Variants in DLG2 observed in about 807,000 individuals in gnomAD.
DLG2 encodes the protein discs large MAGUK scaffold protein 2.
In DLG2, 45 loss-of-function variants were observed where a neutral mutation model predicts 132.5. The observed-to-expected ratio is 0.34, with a 90% CI of 0.27 to 0.44. The LOEUF is 0.44. DLG2 is among the 20% of genes least tolerant of loss of function. DLG2 has a pLI of 1.00. For missense variants in DLG2, 1,045 were observed against 1,196.9 expected (o/e 0.87, Z 1.87); for synonymous variants, 424 against 419.6 (o/e 1.01, Z -0.13).
At chr11:85,457,093 A>C (rs2092447062) in intron 3 of DLG2, among the ~76,000 whole-genome samples, 1 of 151,970 alleles carries the variant, frequency 6.6e-6, no homozygotes, top group South Asian at 2.1e-4. Context: ...TTATGAATCC[A>C]GGCACTCCTG....
chr11:84,607,913 C>T (rs1490476276), intron 6 of DLG2, among the ~76,000 whole-genome samples: 1 of 152,098 alleles, frequency 6.6e-6, no homozygotes, highest in Non-Finnish European at 1.5e-5. Context: ...AAGAATAGTT[C>T]TTTACTGCAG....
chr11:85,094,897 A>G (rs1044648365), intron 6 of DLG2, among the ~76,000 whole-genome samples: 3 of 152,178 alleles, frequency 2.0e-5, no homozygotes, highest in Non-Finnish European at 2.9e-5. Flanking sequence ...ACTAAGTTTA[A>G]TCATTTCTAG....
intron 16 of DLG2, among the ~76,000 whole-genome samples, chr11:83,851,235 A>G (rs1345314927): frequency 1.3e-5 from 2 of 152,036 alleles, no homozygotes; most frequent in Non-Finnish European, 2.9e-5. Flanking sequence ...AGAATGTGAC[A>G]TGTTAGGAAA....
At chr11:83,728,814 T>TA (rs1176600615) in intron 18 of DLG2, among the ~76,000 whole-genome samples, 2 of 152,236 alleles carry the variant, frequency 1.3e-5, no homozygotes, top group Admixed American at 1.3e-4. Flanking sequence ...ATCCATTTGG[T>TA]CCCTGCACTT....
chr11:85,062,048 G>A (rs1343490619), intron 6 of DLG2, among the ~76,000 whole-genome samples: 1 of 151,582 alleles, frequency 6.6e-6, no homozygotes, highest in East Asian at 1.9e-4. Context: ...TAAAAAGAGG[G>A]GTCACTTTGG....
chr11:84,128,845 T>C (rs1274167083), intron 9 of DLG2, among the ~76,000 whole-genome samples: 2 of 152,170 alleles, frequency 1.3e-5, no homozygotes, highest in African/African-American at 4.8e-5. Context: ...AAAACGTGTA[T>C]GGTTTTAAAA....
intron 8 of DLG2, among the ~76,000 whole-genome samples, chr11:84,220,910 A>G (rs981560549): frequency 6.9e-6 from 1 of 145,750 alleles, no homozygotes; most frequent in African/African-American, 2.6e-5. Flanking sequence ...TCTCCTAAGT[A>G]GCTGGGACTA....
chr11:85,621,207 C>G (rs1591379145), intron 2 of DLG2, among the ~76,000 whole-genome samples: 1 of 143,700 alleles, frequency 7.0e-6, no homozygotes, highest in South Asian at 2.3e-4. Context: ...CTGTTGAGAA[C>G]TACTACTCAG....
chr11:84,501,569 A>T (rs1397851650), intron 7 of DLG2, among the ~76,000 whole-genome samples: 1 of 152,206 alleles, frequency 6.6e-6, no homozygotes, highest in Non-Finnish European at 1.5e-5. Context: ...TCCGTCTAAA[A>T]AAAAGAAGAA....
chr11:85,124,090 G>A (rs563817496), intron 5 of DLG2, among the ~76,000 whole-genome samples: 8 of 152,168 alleles, frequency 5.3e-5, no homozygotes, highest in Admixed American at 5.2e-4. Flanking sequence ...AAAGAGGAGA[G>A]GGAACAGAAA....
intron 4 of DLG2, among the ~76,000 whole-genome samples, chr11:85,222,955 A>T (rs2074748100): frequency 1.3e-5 from 2 of 152,144 alleles, no homozygotes; most frequent in Admixed American, 1.3e-4. Flanking sequence ...AATGCCTGGC[A>T]TTAGTGGGCA....
At chr11:83,601,510 C>CTTTTTTTTTTTTTTTT (rs71066054) in intron 19 of DLG2, among the ~76,000 whole-genome samples, 1 of 94,540 alleles carries the variant, frequency 1.1e-5, no homozygotes, top group Admixed American at 1.7e-4. Flanking sequence ...ATGTGATGTT[C>CTTTTTTTTTTTTTTTT]TTTTTTTTTT....
intron 18 of DLG2, among the ~76,000 whole-genome samples, chr11:83,646,376 A>G (rs2068180598): frequency 6.6e-6 from 1 of 151,938 alleles, no homozygotes; most frequent in African/African-American, 2.4e-5. Flanking sequence ...AGAGAGAGAG[A>G]GGAAGGAAGG....
At chr11:83,754,972 C>T (rs1392197855) in intron 18 of DLG2, among the ~76,000 whole-genome samples, 2 of 151,102 alleles carry the variant, frequency 1.3e-5, no homozygotes, top group East Asian at 1.9e-4. Flanking sequence ...TAGGTAAGTA[C>T]TAGAATATGT....
chr11:84,947,856 A>T (rs536816335), intron 6 of DLG2, among the ~76,000 whole-genome samples: 2 of 152,350 alleles, frequency 1.3e-5, no homozygotes, highest in East Asian at 3.9e-4. Context: ...TGAACAATAA[A>T]TTACATAGGT....
chr11:85,443,390 A>G (rs2091874245), intron 3 of DLG2, among the ~76,000 whole-genome samples: 1 of 152,232 alleles, frequency 6.6e-6, no homozygotes, highest in African/African-American at 2.4e-5. Flanking sequence ...CTAGCTGTGT[A>G]ATTGTCAAGT....
At chr11:83,531,070 T>C (rs1190303901) in intron 21 of DLG2, among the ~76,000 whole-genome samples, 2 of 151,784 alleles carry the variant, frequency 1.3e-5, no homozygotes, top group Non-Finnish European at 1.5e-5. Context: ...TAGAAGAAAA[T>C]ATGATATAAA....
intron 6 of DLG2, among the ~76,000 whole-genome samples, chr11:84,782,468 T>G (rs560021469): frequency 6.8e-6 from 1 of 146,972 alleles, no homozygotes; most frequent in South Asian, 2.2e-4. Flanking sequence ...ACACACACAT[T>G]AAAATGAGTA....
chr11:84,199,773 G>A (rs2096568123), intron 8 of DLG2, among the ~76,000 whole-genome samples: 1 of 151,958 alleles, frequency 6.6e-6, no homozygotes, highest in Admixed American at 6.6e-5. Context: ...AAAAAATACT[G>A]CAAAATAAAC....
Sources: gnomAD v4.1 joint callset for allele counts (sites outside exome capture counted in the v4.1 genomes callset) on GRCh38, gnomAD v4.1.1 for gene constraint, MANE v1.5 for transcripts, NCBI Gene and HGNC (gene_info 2026-07-23, HGNC 2026-07-21) for gene names.